Variants in GALNT13 observed in about 807,000 individuals in gnomAD.
GALNT13 encodes the protein polypeptide N-acetylgalactosaminyltransferase 13, also known as UDP-GalNAc:polypeptide N-acetylgalactosaminyltransferase 13.
A neutral mutation model predicts 64.2 loss-of-function variants in GALNT13; 28 were observed. That is an observed-to-expected ratio of 0.44 (90% CI 0.32 to 0.60). The LOEUF is 0.60. GALNT13 is among the 20% of genes least tolerant of loss of function. GALNT13 has a pLI of 0.05. For synonymous variants in GALNT13, 214 were observed against 224.6 expected, an observed-to-expected ratio of 0.95 and a Z score of 0.42; for missense variants, 577 against 669.8, an observed-to-expected ratio of 0.86 and a Z score of 1.53.
At chr2:154,052,302 G>T (rs1260433414) in intron 3 of GALNT13, among the ~76,000 whole-genome samples, 1 of 152,014 alleles carries the variant, frequency 6.6e-6, no homozygotes, top group Non-Finnish European at 1.5e-5. Flanking sequence ...ACTTTCCTGA[G>T]GTCATCTTAC....
the GALNT13 span, among the ~76,000 whole-genome samples, chr2:153,747,813 T>C: frequency 2.0e-5 from 3 of 152,280 alleles, no homozygotes; most frequent in East Asian, 5.8e-4. Flanking sequence ...CTTAACATAA[T>C]GGTCACCAGT....
the GALNT13 span, among the ~76,000 whole-genome samples, chr2:153,646,257 G>A: frequency 2.6e-5 from 4 of 151,778 alleles, no homozygotes; most frequent in African/African-American, 9.7e-5. Flanking sequence ...GTAATCTTAA[G>A]AATATTAGTG....
At chr2:153,176,508 G>A in the GALNT13 span, among the ~76,000 whole-genome samples, 8 of 151,178 alleles carry the variant, frequency 5.3e-5, no homozygotes, top group African/African-American at 7.3e-5. Context: ...TAGAAAATCC[G>A]AAATTAAGAA....
chr2:153,345,655 C>CTTTCTTTG, the GALNT13 span, among the ~76,000 whole-genome samples: 1 of 131,734 alleles, frequency 7.6e-6, no homozygotes, highest in African/African-American at 3.0e-5. Context: ...TTCTTTCTTT[C>CTTTCTTTG]TTTCTTTCTT....
At chr2:153,615,300 A>G in the GALNT13 span, among the ~76,000 whole-genome samples, 1 of 152,002 alleles carries the variant, frequency 6.6e-6, no homozygotes, top group Non-Finnish European at 1.5e-5. Flanking sequence ...GTTGCTTTCA[A>G]ATCTCAGCTA....
At chr2:153,937,825 G>C (rs145647786) in intron 2 of GALNT13, among the ~76,000 whole-genome samples, 88 of 152,286 alleles carry the variant, frequency 5.8e-4, no homozygotes, top group African/African-American at 2.0e-3. Flanking sequence ...AAATGCTGCT[G>C]AGTATTTATG....
the GALNT13 span, among the ~76,000 whole-genome samples, chr2:153,111,396 C>T: frequency 2.0e-5 from 3 of 151,902 alleles, no homozygotes; most frequent in African/African-American, 4.8e-5. Context: ...CATATGATCT[C>T]ATTCTGGATA....
At chr2:154,248,124 T>C (rs936591479) in intron 7 of GALNT13, among the ~76,000 whole-genome samples, 3 of 152,166 alleles carry the variant, frequency 2.0e-5, no homozygotes, top group Non-Finnish European at 4.4e-5. Flanking sequence ...GAATGCTTCA[T>C]TTAAAATGTC....
chr2:153,691,620 A>G, the GALNT13 span, among the ~76,000 whole-genome samples: 1 of 152,182 alleles, frequency 6.6e-6, no homozygotes, highest in Non-Finnish European at 1.5e-5. Context: ...TGAAAAAATT[A>G]GCCAAAAGAC....
chr2:153,193,923 A>AT, the GALNT13 span, among the ~76,000 whole-genome samples: 3 of 151,588 alleles, frequency 2.0e-5, no homozygotes, highest in Non-Finnish European at 2.9e-5. Flanking sequence ...ATATTATGCC[A>AT]TTTTTTTTCT....
chr2:153,851,415 G>A, the GALNT13 span, among the ~76,000 whole-genome samples: 1 of 152,032 alleles, frequency 6.6e-6, no homozygotes, highest in African/African-American at 2.4e-5. Flanking sequence ...GAAGTAAAAT[G>A]ATATCAGATA....
the GALNT13 span, among the ~76,000 whole-genome samples, chr2:153,356,814 T>TG: frequency 1.2e-5 from 1 of 84,042 alleles, no homozygotes. Context: ...TTTTTTTTTT[T>TG]TGAGACGGAG....
At chr2:153,660,233 C>G in the GALNT13 span, among the ~76,000 whole-genome samples, 1 of 152,050 alleles carries the variant, frequency 6.6e-6, no homozygotes, top group African/African-American at 2.4e-5. Flanking sequence ...GATCAGAGTT[C>G]TAGTGATGAG....
intron 3 of GALNT13, among the ~76,000 whole-genome samples, chr2:153,946,470 G>A (rs563644461): frequency 6.6e-6 from 1 of 152,022 alleles, no homozygotes; most frequent in Non-Finnish European, 1.5e-5. Flanking sequence ...TATAGACTTG[G>A]TGGCTAACAA....
chr2:153,306,032 A>G, the GALNT13 span, among the ~76,000 whole-genome samples: 3 of 152,212 alleles, frequency 2.0e-5, no homozygotes, highest in African/African-American at 7.2e-5. Flanking sequence ...AGCATGTGGC[A>G]TGAACGGCTG....
intron 8 of GALNT13, among the ~76,000 whole-genome samples, chr2:154,279,333 A>G (rs1008704020): frequency 4.6e-5 from 7 of 152,154 alleles, no homozygotes; most frequent in Non-Finnish European, 8.8e-5. Flanking sequence ...AACTTCAGAG[A>G]AGAGGATTGA....
At chr2:154,150,058 G>A (rs888358407) in intron 4 of GALNT13, among the ~76,000 whole-genome samples, 2 of 152,176 alleles carry the variant, frequency 1.3e-5, no homozygotes, top group Admixed American at 6.5e-5. Context: ...GATATTCGCT[G>A]TGGGTTTGTC....
chr2:153,806,389 C>T, the GALNT13 span, among the ~76,000 whole-genome samples: 3 of 151,926 alleles, frequency 2.0e-5, no homozygotes. Flanking sequence ...AAATAAAAAG[C>T]ATTTATCTTA....
At chr2:154,229,010 T>A (rs143369865) in intron 4 of GALNT13, among the ~76,000 whole-genome samples, 1 of 152,234 alleles carries the variant, frequency 6.6e-6, no homozygotes, top group African/African-American at 2.4e-5. Context: ...TCTGTTAGTA[T>A]CTCTTCATTG....
Sources: allele counts gnomAD v4.1 joint callset (sites outside exome capture counted in the v4.1 genomes callset), GRCh38; gene constraint gnomAD v4.1.1; transcripts MANE v1.5; gene names NCBI Gene and HGNC (gene_info 2026-07-23, HGNC 2026-07-21).